MALRD1: variants seen among roughly 807,000 people sequenced by gnomAD.
MALRD1 encodes MAM and LDL receptor class A domain containing 1.
MALRD1 carries 247 observed loss-of-function variants against 242.1 expected under a neutral mutation model. That is an observed-to-expected ratio of 1.02 (90% CI 0.92 to 1.13). MALRD1 has a LOEUF of 1.13. MALRD1 is among the 50% of genes most tolerant of loss of function. MALRD1 has a pLI of 0.00. For missense variants in MALRD1, 2,989 were observed against 2,533.1 expected (o/e 1.18, Z -3.86); for synonymous variants, 995 against 866.6 (o/e 1.15, Z -2.60).
chr10:19,470,249 C>T (rs949166775), intron 29 of MALRD1, among the ~76,000 whole-genome samples: 1 of 151,876 alleles, frequency 6.6e-6, no homozygotes, highest in African/African-American at 2.4e-5. Context: ...TCCAGAGTCA[C>T]CCATGTTGTC....
At chr10:19,546,240 T>G (rs1835202780) in intron 32 of MALRD1, among the ~76,000 whole-genome samples, 1 of 152,238 alleles carries the variant, frequency 6.6e-6, no homozygotes, top group Non-Finnish European at 1.5e-5. Flanking sequence ...CCCCTAACAG[T>G]GAATATGCAT....
intron 21 of MALRD1, among the ~76,000 whole-genome samples, chr10:19,305,833 C>A (rs1477995250): frequency 2.3e-5 from 3 of 130,732 alleles, no homozygotes; most frequent in African/African-American, 2.9e-5. Context: ...ACTATATATA[C>A]TATATATTAT....
At chr10:19,442,939 C>T (rs1000257895) in intron 28 of MALRD1, among the ~76,000 whole-genome samples, 1 of 152,090 alleles carries the variant, frequency 6.6e-6, no homozygotes, top group Non-Finnish European at 1.5e-5. Context: ...GCTGTGAATC[C>T]ATCTCGTCCT....
rs181773721 is a variant in MALRD1, at chr10:19,195,449, G to A, written c.1952-8279G>A. ...AGCTTTAAATGCCGTTGATATGATC[G>A]TGTCTCCCAAATTTATATCTCTAGT... On this transcript the variant is annotated intron_variant, in intron 14 of 39. Transcript: ENST00000454679. Among the ~76,000 whole-genome samples the A allele has an allele frequency of 6.7e-3, 1,015 of 152,050 alleles. 7 individuals are homozygous for A. Among genetic ancestry groups the A allele is most frequent in the South Asian group, 0.025 (119 of 4,824 alleles).
intron 21 of MALRD1, among the ~76,000 whole-genome samples, chr10:19,302,362 T>C (rs1336724749): frequency 1.3e-5 from 2 of 151,782 alleles, no homozygotes; most frequent in Non-Finnish European, 2.9e-5. Context: ...TTATTCATAA[T>C]AGATAAAATG....
intron 1 of MALRD1, among the ~76,000 whole-genome samples, chr10:19,049,400 C>G (rs963040691): frequency 6.6e-6 from 1 of 152,060 alleles, no homozygotes; most frequent in Non-Finnish European, 1.5e-5. Flanking sequence ...GAGTGCTAAA[C>G]AAAGATATAG....
At chr10:19,219,394 G>C (rs1837464244) in intron 18 of MALRD1, among the ~76,000 whole-genome samples, 1 of 152,050 alleles carries the variant, frequency 6.6e-6, no homozygotes, top group Admixed American at 6.6e-5. Context: ...ATATAAGAAA[G>C]AGTACCATAG....
intron 14 of MALRD1, among the ~76,000 whole-genome samples, chr10:19,182,576 C>T (rs963867223): frequency 1.3e-5 from 2 of 151,766 alleles, no homozygotes; most frequent in Non-Finnish European, 2.9e-5. Context: ...GTAATCCGTC[C>T]GCCTCAGCCT....
In MALRD1 at chr10:19,638,357, A is replaced by G. The variant is rs573329479; in HGVS notation, c.6137+22434A>G. 3.3e-5 allele frequency among the ~76,000 whole-genome samples: 5 copies of G among 152,262 alleles called. No individual in the cohort carries two copies. The East Asian group carries it at 9.7e-4, about 29-fold the overall frequency. ...GGATGAAAGTAGAGAGATTGTTTAC[A>G]GAGACTGAAAATAATAAAAGTGACA... On this transcript the variant is annotated intron_variant, in intron 36 of 39. Coordinates refer to ENST00000454679, the MANE Select transcript of MALRD1 (RefSeq NM_001142308.3).
At chr10:19,455,046 TAAG>T (rs1835571598) in intron 29 of MALRD1, among the ~76,000 whole-genome samples, 1 of 152,062 alleles carries the variant, frequency 6.6e-6, no homozygotes, top group Admixed American at 6.6e-5. Flanking sequence ...AGGAACACAA[TAAG>T]AAGGCTCTCT....
intron 1 of MALRD1, among the ~76,000 whole-genome samples, chr10:19,066,330 T>C (rs1834979332): frequency 6.6e-6 from 1 of 152,186 alleles, no homozygotes; most frequent in Non-Finnish European, 1.5e-5. Flanking sequence ...ATGTATTGTA[T>C]TATAGATCTT....
chr10:19,236,883 A>G (rs1341345376), intron 18 of MALRD1, among the ~76,000 whole-genome samples: 2 of 152,076 alleles, frequency 1.3e-5, no homozygotes, highest in African/African-American at 2.4e-5. Flanking sequence ...GGATCTACAA[A>G]TATTTCTAAC....
intron 13 of MALRD1, among the ~76,000 whole-genome samples, chr10:19,173,189 T>A (rs1005459121): frequency 6.6e-6 from 1 of 152,122 alleles, no homozygotes; most frequent in African/African-American, 2.4e-5. Flanking sequence ...TACTTGGAAA[T>A]CTAAACCATT....
chr10:19,048,952 T>A lies in MALRD1; in HGVS notation c.14T>A (p.Leu5Gln). The A allele has an allele frequency of 3.2e-6, 4 of 1,233,924 alleles. No homozygotes were observed. Among genetic ancestry groups the A allele is most frequent in the Non-Finnish European group, 4.0e-6 (4 of 988,120 alleles). The allele number at this position is 1,233,924 out of a possible 1,614,324, so 76.4% of individuals were successfully genotyped here. Residue 5 changes from leucine (L) to glutamine (Q), a missense_variant, in exon 1 of 40, where the codon CTG becomes CAG. Physicochemically the swap from Leu to Gln is moderately radical, Grantham distance 113. Transcript: ENST00000454679. ...CAATACCAAGTAATGCTCTTCTTCC[T>A]GGACAGAATGTTGGCATTCCCCATG... MLFFLDRMLAFPMNE... is the reference protein window; with the variant it reads MLFFQDRMLAFPMNE...
intron 14 of MALRD1, among the ~76,000 whole-genome samples, chr10:19,180,709 A>G (rs78595519): frequency 0.019 from 2,884 of 152,302 alleles, 77 homozygotes; most frequent in African/African-American, 0.066. Context: ...AAAAGCAGAA[A>G]TAAATAATGG....
intron 2 of MALRD1, among the ~76,000 whole-genome samples, chr10:19,083,726 C>G (rs1835569493): frequency 6.6e-6 from 1 of 151,880 alleles, no homozygotes; most frequent in African/African-American, 2.4e-5. Flanking sequence ...CACATGAATG[C>G]AAGCTGCTAT....
chr10:19,131,185 A>T (rs1054636041), intron 8 of MALRD1, among the ~76,000 whole-genome samples: 1 of 152,156 alleles, frequency 6.6e-6, no homozygotes, highest in Non-Finnish European at 1.5e-5. Flanking sequence ...CCTATCATTT[A>T]AAAAAGTGGC....
chr10:19,482,934 A>G (rs1367218000), intron 29 of MALRD1, among the ~76,000 whole-genome samples: 1 of 152,108 alleles, frequency 6.6e-6, no homozygotes, highest in Non-Finnish European at 1.5e-5. Context: ...ACAAAATTAG[A>G]AAACACTATC....
rs192753688 is a variant in MALRD1, at chr10:19,538,795, A to G, written c.5478+7444A>G. Among the ~76,000 whole-genome samples the G allele has an allele frequency of 4.2e-3, 638 of 152,240 alleles. 7 individuals are homozygous for G. Among genetic ancestry groups the G allele is most frequent in the Non-Finnish European group, 4.1e-3 (278 of 68,016 alleles). ...TATAAATTTCTAATTGCTCATGAAA[A>G]AAAAAAGCTACTTTCTAAAACTTCC... On this transcript the variant is annotated intron_variant, in intron 32 of 39. Coordinates refer to ENST00000454679, the MANE Select transcript of MALRD1 (RefSeq NM_001142308.3).
Sources: gnomAD v4.1 joint callset for allele counts (sites outside exome capture counted in the v4.1 genomes callset) on GRCh38, gnomAD v4.1.1 for gene constraint, MANE v1.5 for transcripts, NCBI Gene and HGNC (gene_info 2026-07-23, HGNC 2026-07-21) for gene names.